COL1A2: variants seen among roughly 807,000 people sequenced by gnomAD.
The protein encoded by COL1A2 is collagen alpha-2(I) chain.
In COL1A2, 49 loss-of-function variants were observed where a neutral mutation model predicts 174.3. That is an observed-to-expected ratio of 0.28 (90% CI 0.22 to 0.36). The LOEUF (loss-of-function observed/expected upper bound fraction) is 0.36, where lower values mean the gene tolerates loss of function less well. Ranked by LOEUF, COL1A2 falls within the 10% of genes least tolerant of loss-of-function variation. COL1A2 has a pLI of 1.00. For synonymous variants in COL1A2, 655 were observed against 606.6 expected (o/e 1.08, Z -1.17); for missense variants, 1,438 against 1,822.7 (o/e 0.79, Z 3.84).
chr7:94,421,649 A>G (rs1259683877), intron 38 of COL1A2, among the ~76,000 whole-genome samples: 1 of 152,226 alleles, frequency 6.6e-6, no homozygotes, highest in Admixed American at 6.5e-5. Context: ...AGCATTTCAG[A>G]AAGGACCATC....
In COL1A2 at chr7:94,395,110, C is replaced by T; in HGVS notation, c.70+9C>T. 1 of 1,613,446 alleles carries T rather than the reference C, an allele frequency of 6.2e-7. No homozygotes were observed. The highest frequency in any genetic ancestry group is 2.2e-5 in the East Asian group (1 of 44,864). On this transcript the variant is annotated intron_variant, in intron 1 of 51. Transcript: ENST00000297268. ...CCTAGCAACATGCCAATGTAAGTGCCTTCAGCTTGTTTGGGGGAGACTGGG... is the reference window on the plus strand; with the variant it reads ...CCTAGCAACATGCCAATGTAAGTGCTTTCAGCTTGTTTGGGGGAGACTGGG...
At chr7:94,411,426 T>G (rs1469851325) in intron 23 of COL1A2, among the ~76,000 whole-genome samples, 1 of 152,228 alleles carries the variant, frequency 6.6e-6, no homozygotes, top group South Asian at 2.1e-4. Context: ...TTGGTCCTCC[T>G]ATCAGCATGA....
chr7:94,400,428 A>G, intron 5 of COL1A2, 140 bp downstream of exon 5: 1 of 834,312 alleles, frequency 1.2e-6, no homozygotes, highest in African/African-American at 1.7e-5. Context: ...TGGTTTTTTC[A>G]CTCAAGATTC....
chr7:94,424,543 A>C, intron 41 of COL1A2, 100 bp downstream of exon 41: 1 of 1,084,010 alleles, frequency 9.2e-7, no homozygotes, highest in Non-Finnish European at 1.4e-6. Flanking sequence ...ACTTCACTTA[A>C]GATTTTTATT....
At chr7:94,430,052 G>A in intron 51 of COL1A2, 195 bp from the exon 52 acceptor site, 1 of 607,026 alleles carries the variant, frequency 1.6e-6, no homozygotes, top group South Asian at 2.0e-5. Context: ...TTTGTTTTTT[G>A]TTAGACTGAT....
In COL1A2 at chr7:94,401,587, T is replaced by C. The variant is rs1800222; in HGVS notation, c.246T>C (p.Asp82=). 230,419 of 1,560,246 alleles carry C rather than the reference T, an allele frequency of 0.15. 24,919 individuals carry two copies. The highest frequency in any genetic ancestry group is 0.52 in the African/African-American group (37,946 of 73,112). The change falls in exon 6 of 52, where the codon GAT becomes GAC. Residue 82 remains aspartate (D), a synonymous_variant. Coordinates refer to ENST00000297268, the MANE Select transcript of COL1A2 (RefSeq NM_000089.4). Reference sequence around the variant, plus strand: ...TCTAGAACTTTGCTGCTCAGTATGATGGAAAAGGAGTTGGACTTGGCCCTG... The same window carrying C: ...TCTAGAACTTTGCTGCTCAGTATGACGGAAAAGGAGTTGGACTTGGCCCTG... The part of the protein sequence containing the change: ...GLGGNFAAQY[D]GKGVGLGPGP...
At chr7:94,411,203 T>C in intron 23 of COL1A2, 49 bp downstream of exon 23, 2 of 1,358,648 alleles carry the variant, frequency 1.5e-6, no homozygotes, top group Non-Finnish European at 1.0e-6. Flanking sequence ...ATTACTTCCT[T>C]CTTTAAAGGG....
chr7:94,410,792 C>A, intron 21 of COL1A2, 97 bp from the exon 22 acceptor site: 1 of 1,347,300 alleles, frequency 7.4e-7, no homozygotes, highest in Non-Finnish European at 1.1e-6. Context: ...GTGTCTGTAT[C>A]TCCCCTGTAA....
At position 94,427,721 on chromosome 7, in the gene COL1A2, A is replaced by G; in HGVS notation, c.3362A>G (p.Gln1121Arg). 1 of 1,614,120 alleles carries G rather than the reference A, an allele frequency of 6.2e-7. No individual in the cohort carries two copies. Among genetic ancestry groups the G allele is most frequent in the Non-Finnish European group, 8.5e-7 (1 of 1,180,020 alleles). The stretch of plus-strand genomic sequence containing the variant: ...GATGGAGACTTCTACAGGGCTGACC[A>G]GCCTCGCTCAGCACCTTCTCTCAGA... Reference protein sequence around the residue: ...GYDGDFYRADQPRSAPSLRPK... With the variant: ...GYDGDFYRADRPRSAPSLRPK... The change falls in exon 49 of 52, where the codon CAG becomes CGG. Residue 1121 changes from glutamine to arginine, a missense_variant. This residue lies in a region of COL1A2 where 867 missense variants were observed against 1,213.7 expected (regional missense o/e 0.71). Coordinates refer to ENST00000297268, the MANE Select transcript of COL1A2 (RefSeq NM_000089.4).
At chr7:94,406,161 A>G in intron 11 of COL1A2, 89 bp from the exon 12 acceptor site, 1 of 1,365,308 alleles carries the variant, frequency 7.3e-7, no homozygotes, top group East Asian at 2.3e-5. Flanking sequence ...CTTACCCAAG[A>G]GAGATTAATG....
intron 46 of COL1A2, 102 bp from the exon 47 acceptor site, chr7:94,426,906 A>AG: frequency 1.0e-6 from 1 of 967,918 alleles, no homozygotes; most frequent in Non-Finnish European, 1.6e-6. Context: ...CTCAATCCGG[A>AG]GTCCATTTAA....
Position 94,410,906 on chromosome 7 carries a change from T to C in COL1A2, c.1215T>C (p.Arg405=), listed in dbSNP as rs942842623. 1 of 1,614,014 alleles carries C rather than the reference T, an allele frequency of 6.2e-7. No individual in the cohort carries two copies. Among genetic ancestry groups the C allele is most frequent in the African/African-American group, 1.3e-5 (1 of 74,922 alleles). The change falls in exon 22 of 52, where the codon CGT becomes CGC. Residue 405 remains arginine (R), a synonymous_variant. Coordinates refer to ENST00000297268, the MANE Select transcript of COL1A2 (RefSeq NM_000089.4). The part of the protein sequence containing the change: ...PPGLRGSPGS[R]GLPGADGRAG... ...TCTTGCAGGGTAGTCCTGGTTCTCG[T>C]GGTCTTCCTGGAGCTGATGGCAGAG...
At chr7:94,425,031 A>C in intron 41 of COL1A2, 86 bp from the exon 42 acceptor site, 1 of 1,147,720 alleles carries the variant, frequency 8.7e-7, no homozygotes, top group African/African-American at 1.5e-5. Context: ...TCAAACTAGA[A>C]TCTCCTGAGT....
At chr7:94,429,459 T>C in intron 51 of COL1A2, 29 bp downstream of exon 51, 1 of 1,612,400 alleles carries the variant, frequency 6.2e-7, no homozygotes, top group Non-Finnish European at 8.5e-7. Context: ...TGGGAATAGC[T>C]TTGGGAAGTG....
At position 94,408,341 on chromosome 7, in the gene COL1A2, C is replaced by A. The variant is rs1336470183; in HGVS notation, c.699C>A (p.Ala233=). ...TCCCTTTATTTTCTTCTTAGGGTGCCCGTGGCAGTGATGGAAGTGTGGGTC... is the reference window on the plus strand; with the variant it reads ...TCCCTTTATTTTCTTCTTAGGGTGCACGTGGCAGTGATGGAAGTGTGGGTC... ...GRVGAPGPAG[A]RGSDGSVGPV... is the part of the protein sequence containing the mutation. Residue 233 remains alanine (A), a synonymous_variant, in exon 15 of 52, where the codon GCC becomes GCA. Transcript: ENST00000297268. 1 of 1,613,888 alleles carries A rather than the reference C, an allele frequency of 6.2e-7. No individual in the cohort carries two copies. Among genetic ancestry groups the A allele is most frequent in the Admixed American group, 1.7e-5 (1 of 59,980 alleles).
In COL1A2 at chr7:94,410,476, C is replaced by T. The variant is rs1397328517; in HGVS notation, c.1146C>T (p.Gly382=). Residue 382 remains glycine, a synonymous_variant, in exon 21 of 52, where the codon GGC becomes GGT. Coordinates refer to ENST00000297268, the MANE Select transcript of COL1A2 (RefSeq NM_000089.4). The stretch of plus-strand genomic sequence containing the variant: ...CCAGTGGTGAAGAAGGAAAGAGAGG[C>T]CCTAATGGGGAAGCTGGATCTGCCG... ...PGPSGEEGKR[G]PNGEAGSAGP... is the part of the protein sequence containing the mutation. 4.5e-6 allele frequency: 7 copies of T among 1,550,454 alleles called. No individual in the cohort carries two copies. The East Asian group carries it at 9.8e-5, about 22-fold the overall frequency.
chr7:94,406,695 C>T (rs1791806269), intron 12 of COL1A2, among the ~76,000 whole-genome samples: 1 of 152,140 alleles, frequency 6.6e-6, no homozygotes, highest in Non-Finnish European at 1.5e-5. Flanking sequence ...TAGATAGGTA[C>T]ATTCATGTCG....
rs1053163831 is a variant in COL1A2, at chr7:94,430,285, C to T, written c.3993C>T (p.Tyr1331=). ...AATGGGGAAAGACAATCATTGAATA[C>T]AAAACAAATAAGCCATCACGCCTGC... is the stretch of plus-strand genomic sequence containing the variant. The part of the protein sequence containing the change: ...TNEWGKTIIE[Y]KTNKPSRLPF... Residue 1331 remains tyrosine, a synonymous_variant, in exon 52 of 52, where the codon TAC becomes TAT. Coordinates refer to ENST00000297268, the MANE Select transcript of COL1A2 (RefSeq NM_000089.4). The T allele has an allele frequency of 1.9e-6, 3 of 1,613,960 alleles. No homozygotes were observed. The highest frequency in any genetic ancestry group is 2.5e-6 in the Non-Finnish European group (3 of 1,179,898).
In COL1A2 at chr7:94,405,189, T is replaced by C. The variant is rs1791770493; in HGVS notation, c.433-10T>C. 1.9e-6 allele frequency: 3 copies of C among 1,613,852 alleles called. No individual in the cohort carries two copies. Among genetic ancestry groups the C allele is most frequent in the Non-Finnish European group, 2.5e-6 (3 of 1,179,852 alleles). On this transcript the variant is annotated splice_polypyrimidine_tract_variant and intron_variant, in intron 9 of 51. Coordinates refer to ENST00000297268, the MANE Select transcript of COL1A2 (RefSeq NM_000089.4). ...AGAAGAAGTTGACTCTACAATGTTT[T>C]CATGTTTAGGGTCACCCTGGAAAAC...
Sources: allele counts gnomAD v4.1 joint callset (sites outside exome capture counted in the v4.1 genomes callset), GRCh38; gene constraint gnomAD v4.1.1; regional missense constraint gnomAD v4.1.1; transcripts MANE v1.5; gene names NCBI Gene and HGNC (gene_info 2026-07-23, HGNC 2026-07-21).